ATXN2: variants seen among roughly 807,000 people sequenced by gnomAD.
ATXN2 encodes ataxin 2.
ATXN2 carries 37 observed loss-of-function variants against 138.6 expected under a neutral mutation model. The ratio of observed to expected loss-of-function variants is 0.27; its 90% confidence interval spans 0.21 to 0.35. The LOEUF is 0.35. Ranked by LOEUF, ATXN2 falls within the 10% of genes least tolerant of loss-of-function variation. The pLI, the probability that ATXN2 is intolerant of heterozygous loss-of-function variation, is 1.00. For missense variants in ATXN2, 1,216 were observed against 1,480.3 expected (o/e 0.82, Z 2.93); for synonymous variants, 549 against 543.7 (o/e 1.01, Z -0.13).
chr12:111,516,026 TA>T lies in ATXN2; in HGVS notation c.1375+127del. 1 of 894,818 alleles carries T rather than the reference TA, an allele frequency of 1.1e-6. No homozygotes were observed. The highest frequency in any genetic ancestry group is 2.0e-5 in the South Asian group (1 of 50,692). The allele number at this position is 894,818 out of a possible 1,614,324, so 55.4% of individuals were successfully genotyped here. A position where few individuals can be genotyped will look rare whatever the true frequency, so the allele number is the denominator to read the frequency against. On this transcript the variant is annotated intron_variant, in intron 10 of 24. Transcript: ENST00000673436. This position sits in a 1 kb window ranked among gnomAD's most constrained non-coding sequence, Gnocchi z 5.0. ...AAAAGGTTAATAGAAATAGTTTTAA[TA>T]AACTAAAGTTAAAACACAGAAATTA...
In ATXN2 at chr12:111,552,546, G is replaced by A; in HGVS notation, c.421-116C>T. Reference sequence around the variant, plus strand: ...ATGCCTTTGACAAAAATAATCTCAAGAGAATCATACCCTTTTTCCCAGGCA... The same window carrying A: ...ATGCCTTTGACAAAAATAATCTCAAAAGAATCATACCCTTTTTCCCAGGCA... On this transcript the variant is annotated intron_variant, in intron 4 of 24. Transcript: ENST00000673436. This position sits in a 1 kb window ranked among gnomAD's most constrained non-coding sequence, Gnocchi z 4.1. The A allele has an allele frequency of 9.6e-7, 1 of 1,038,232 alleles. No individual in the cohort carries two copies. Among genetic ancestry groups the A allele is most frequent in the Non-Finnish European group, 1.3e-6 (1 of 740,980 alleles). The allele number at this position is 1,038,232 out of a possible 1,614,324, so 64.3% of individuals were successfully genotyped here. A position where few individuals can be genotyped will look rare whatever the true frequency, so the allele number is the denominator to read the frequency against.
At chr12:111,578,078 T>C (rs1330928701) in intron 1 of ATXN2, among the ~76,000 whole-genome samples, 1 of 152,020 alleles carries the variant, frequency 6.6e-6, no homozygotes, top group African/African-American at 2.4e-5. Context: ...GCACCTGTAA[T>C]CCCAGCTATT....
intron 1 of ATXN2, among the ~76,000 whole-genome samples, chr12:111,578,672 C>T (rs1446753880): frequency 6.6e-6 from 1 of 152,058 alleles, no homozygotes; most frequent in Non-Finnish European, 1.5e-5. Flanking sequence ...TTCTCATCAC[C>T]AAAGATGGTA....
At chr12:111,513,083 T>G in intron 11 of ATXN2, 1 of 381,366 alleles carries the variant, frequency 2.6e-6, no homozygotes, top group Middle Eastern at 7.2e-4. Flanking sequence ...TATAGGAATC[T>G]CATCACAATC....
At chr12:111,455,964 C>A (rs759054642) in intron 23 of ATXN2, 65 bp downstream of exon 23, 5 of 1,482,290 alleles carry the variant, frequency 3.4e-6, no homozygotes, top group Admixed American at 3.3e-5. Context: ...GAGCCTCTAG[C>A]TGCTTACTGA....
intron 1 of ATXN2, among the ~76,000 whole-genome samples, chr12:111,563,225 G>A (rs186132739): frequency 3.3e-5 from 5 of 152,164 alleles, no homozygotes; most frequent in African/African-American, 1.2e-4. Context: ...CATGATAACC[G>A]AAGGTAACAA....
At chr12:111,572,709 C>G (rs1254648517) in intron 1 of ATXN2, among the ~76,000 whole-genome samples, 1 of 152,160 alleles carries the variant, frequency 6.6e-6, no homozygotes, top group Non-Finnish European at 1.5e-5. Context: ...AGGAATTATT[C>G]TCTCAACTAT....
chr12:111,545,019 C>A (rs567685260), intron 5 of ATXN2, among the ~76,000 whole-genome samples: 1 of 151,778 alleles, frequency 6.6e-6, no homozygotes, highest in Non-Finnish European at 1.5e-5. Flanking sequence ...TTTAGCTGGG[C>A]GTGGTGGCAG....
In ATXN2 at chr12:111,593,121, T is replaced by C. The variant is rs368255813; in HGVS notation, c.251+5663A>G. On this transcript the variant is annotated intron_variant, in intron 1 of 24. Coordinates refer to ENST00000673436, the MANE Select transcript of ATXN2 (RefSeq NM_001372574.1). ...GTTTTGAGACAGAGTCTCGCTCTGT[T>C]GCCCAGGCTGGAGTGTAATGGCATG... Among the ~76,000 whole-genome samples the C allele has an allele frequency of 4.6e-5, 7 of 152,100 alleles. No individual in the cohort carries two copies. In the South Asian group the frequency reaches 6.2e-4, roughly 14 times the overall value.
At chr12:111,452,969 T>C in intron 24 of ATXN2, 129 bp from the exon 25 acceptor site, 4 of 1,006,798 alleles carry the variant, frequency 4.0e-6, no homozygotes, top group Non-Finnish European at 4.9e-6. Flanking sequence ...GAATTCGCTT[T>C]TCCCCCTCCC....
intron 1 of ATXN2, among the ~76,000 whole-genome samples, chr12:111,581,963 A>C (rs1884031136): frequency 6.6e-6 from 1 of 151,790 alleles, no homozygotes; most frequent in South Asian, 2.1e-4. Context: ...AAAAAAAAAA[A>C]CACCAGAGCC....
At position 111,592,762 on chromosome 12, in the gene ATXN2, G is replaced by A. The variant is rs371646430; in HGVS notation, c.251+6022C>T. Among the ~76,000 whole-genome samples, 266 of 70,654 alleles carry A rather than the reference G, an allele frequency of 3.8e-3. 2 individuals are homozygous for A. The highest frequency in any genetic ancestry group is 0.011 in the African/African-American group (234 of 20,982). 46.4% of individuals were successfully genotyped at this position (70,654 alleles called of 152,430 possible). ...CGTGCCACTGCACTCCAGCCTGGGCGACAGAGCAAGACTCCGTCTCAAAAA... is the reference window on the plus strand; with the variant it reads ...CGTGCCACTGCACTCCAGCCTGGGCAACAGAGCAAGACTCCGTCTCAAAAA... On this transcript the variant is annotated intron_variant, in intron 1 of 24. Transcript: ENST00000673436.
chr12:111,592,782 C>CAAAAAAAA lies in ATXN2; in HGVS notation c.251+5994_251+6001dup, dbSNP rs71083183. ...TGGGCGACAGAGCAAGACTCCGTCT[C>CAAAAAAAA]AAAAAAAAAAAAAAAAAAAAAAGAT... On this transcript the variant is annotated intron_variant, in intron 1 of 24. Transcript: ENST00000673436. Among the ~76,000 whole-genome samples the CAAAAAAAA allele has an allele frequency of 0.038, 985 of 25,988 alleles. 282 individuals carry two copies. In the East Asian group the frequency reaches 0.5, roughly 13 times the overall value. 17.0% of individuals were successfully genotyped at this position (25,988 alleles called of 152,430 possible). A position where few individuals can be genotyped will look rare whatever the true frequency, so the allele number is the denominator to read the frequency against.
At chr12:111,597,782 G>C in intron 1 of ATXN2, 2 of 1,098,484 alleles carry the variant, frequency 1.8e-6, no homozygotes, top group Non-Finnish European at 2.5e-6. Context: ...CACGTCCCCT[G>C]CTGCAATCTC....
intron 1 of ATXN2, among the ~76,000 whole-genome samples, chr12:111,567,224 G>A (rs10774626): frequency 0.07 from 10,641 of 152,142 alleles, 1,317 homozygotes; most frequent in East Asian, 0.57. Flanking sequence ...GAAACAGGCC[G>A]GGCGTGGTGG....
In ATXN2 at chr12:111,598,146, A is replaced by ACG; in HGVS notation, c.251+636_251+637dup. ...GCCCCCGCCGCCGCCTCGGACACGA[A>ACG]CGCAGAGGGGTGCGGGGGCCAAGGC... On this transcript the variant is annotated intron_variant, in intron 1 of 24. Coordinates refer to ENST00000673436, the MANE Select transcript of ATXN2 (RefSeq NM_001372574.1). The surrounding 1 kb of genome is among the most constrained non-coding windows in gnomAD (Gnocchi z 4.5). The ACG allele has an allele frequency of 1.8e-6, 2 of 1,113,012 alleles. No individual in the cohort carries two copies. The highest frequency in any genetic ancestry group is 2.2e-6 in the Non-Finnish European group (2 of 900,744). 68.9% of individuals were successfully genotyped at this position (1,113,012 alleles called of 1,614,324 possible). A position where few individuals can be genotyped will look rare whatever the true frequency, so the allele number is the denominator to read the frequency against.
At chr12:111,567,683 G>C (rs77001757) in intron 1 of ATXN2, among the ~76,000 whole-genome samples, 1 of 150,590 alleles carries the variant, frequency 6.6e-6, no homozygotes, top group Non-Finnish European at 1.5e-5. Flanking sequence ...GTATGGTGGC[G>C]TGCACCCATG....
chr12:111,566,109 A>G (rs1018171594), intron 1 of ATXN2, among the ~76,000 whole-genome samples: 1 of 152,178 alleles, frequency 6.6e-6, no homozygotes, highest in Non-Finnish European at 1.5e-5. Flanking sequence ...CCAGGGATCA[A>G]GGGATAATTT....
Position 111,470,883 on chromosome 12 carries a change from ACTC to A in ATXN2, c.2525-144_2525-142del, listed in dbSNP as rs1428612928. On this transcript the variant is annotated intron_variant, in intron 18 of 24. Transcript: ENST00000673436. ...ATCTCATACCACTCCCACTTCTGCC[ACTC>A]TGGGTTATTTTCCTATCATGCATGC... 56 of 832,300 alleles carry A rather than the reference ACTC, an allele frequency of 6.7e-5. No homozygotes were observed. In the East Asian group the frequency reaches 7.0e-4, roughly 10 times the overall value. 51.6% of individuals were successfully genotyped at this position (832,300 alleles called of 1,614,324 possible). A position where few individuals can be genotyped will look rare whatever the true frequency, so the allele number is the denominator to read the frequency against.
Sources: gnomAD v4.1 joint callset for allele counts (sites outside exome capture counted in the v4.1 genomes callset) on GRCh38, gnomAD v4.1.1 for gene constraint, Gnocchi (gnomAD v3.1) non-coding constraint, MANE v1.5 for transcripts, NCBI Gene and HGNC (gene_info 2026-07-23, HGNC 2026-07-21) for gene names.